Variants in TRAF7 observed in about 807,000 individuals in gnomAD.
TRAF7 encodes E3 ubiquitin-protein ligase TRAF7.
Under a neutral mutation model 89.3 loss-of-function variants are expected in TRAF7, and 45 were observed. That is an observed-to-expected ratio of 0.50 (90% CI 0.40 to 0.65). The LOEUF is 0.65. Ranked by LOEUF, TRAF7 falls within the 30% of genes least tolerant of loss-of-function variation. TRAF7 has a pLI of 0.00. For missense variants in TRAF7, 677 were observed against 918.1 expected, an observed-to-expected ratio of 0.74 and a Z score of 3.39; for synonymous variants, 406 against 369.2, an observed-to-expected ratio of 1.10 and a Z score of -1.14.
Position 2,176,846 on chromosome 16 carries a change from A to C in TRAF7, c.*272A>C. On this transcript the variant is annotated 3_prime_UTR_variant, in exon 21 of 21. Transcript: ENST00000326181. ...CACCCTCCATCCCCACCCTAGATGGAGCGAGGGCCTTTTTACTCACCTTTT... is the reference window on the plus strand; with the variant it reads ...CACCCTCCATCCCCACCCTAGATGGCGCGAGGGCCTTTTTACTCACCTTTT... 1.7e-6 allele frequency: 1 copy of C among 576,420 alleles called. No individual in the cohort carries two copies. The allele number at this position is 576,420 out of a possible 1,614,324, so 35.7% of individuals were successfully genotyped here. A position where few individuals can be genotyped will look rare whatever the true frequency, so the allele number is the denominator to read the frequency against.
chr16:2,165,765 G>A (rs2141275889), intron 2 of TRAF7, 114 bp from the exon 3 acceptor site: 3 of 1,216,454 alleles, frequency 2.5e-6, no homozygotes, highest in Non-Finnish European at 3.6e-6. Context: ...GGTTAAGTGT[G>A]TGAGTGCTGC....
In TRAF7 at chr16:2,176,032, G is replaced by A; in HGVS notation, c.1747-17G>A. The A allele has an allele frequency of 6.2e-7, 1 of 1,607,986 alleles. No individual in the cohort carries two copies. Among genetic ancestry groups the A allele is most frequent in the Non-Finnish European group, 8.5e-7 (1 of 1,176,442 alleles). On this transcript the variant is annotated splice_polypyrimidine_tract_variant and intron_variant, in intron 18 of 20. Transcript: ENST00000326181. ...CTTGCTCAGTGTCTTTGACCTGCCTGTGCCCACCCCTCCCAGGTGTGGGAC... is the reference window on the plus strand; with the variant it reads ...CTTGCTCAGTGTCTTTGACCTGCCTATGCCCACCCCTCCCAGGTGTGGGAC...
intron 1 of TRAF7, 123 bp downstream of exon 1, chr16:2,155,981 G>GA (rs2093031830): frequency 6.7e-6 from 1 of 149,472 alleles, no homozygotes; most frequent in Admixed American, 6.6e-5. Context: ...CCGGGGCGGG[G>GA]AGGGGGGGGC....
At position 2,163,681 on chromosome 16, in the gene TRAF7, C is replaced by T. The variant is rs2141270357; in HGVS notation, c.-38-202C>T. On this transcript the variant is annotated intron_variant, in intron 1 of 20. Coordinates refer to ENST00000326181, the MANE Select transcript of TRAF7 (RefSeq NM_032271.3). The surrounding 1 kb of genome is among the most constrained non-coding windows in gnomAD (Gnocchi z 4.3). ...GGGACGGTGACGCAGAGCCGCCTGC[C>T]TGCCCGGGCCTCTGCATACCTGGGA... is the stretch of plus-strand genomic sequence containing the variant. 8.8e-6 allele frequency: 5 copies of T among 565,752 alleles called. No homozygotes were observed. Among genetic ancestry groups the T allele is most frequent in the Non-Finnish European group, 1.6e-5 (5 of 315,236 alleles). The allele number at this position is 565,752 out of a possible 1,614,324, so 35.0% of individuals were successfully genotyped here.
chr16:2,173,857 G>GCGGGGGGCCCCCCCCC, intron 12 of TRAF7, 21 bp downstream of exon 12: 2 of 1,607,484 alleles, frequency 1.2e-6, no homozygotes, highest in Non-Finnish European at 1.7e-6. Flanking sequence ...ACCCGCCGTG[G>GCGGGGGGCCCCCCCCC]CTCCCGCCCA....
intron 9 of TRAF7, 86 bp downstream of exon 9, chr16:2,172,685 G>T: frequency 6.9e-7 from 1 of 1,451,604 alleles, no homozygotes; most frequent in Non-Finnish European, 9.3e-7. Context: ...GCTGGTCCCG[G>T]GGAGGTAGGC....
Sources: allele counts gnomAD v4.1 joint callset, GRCh38; gene constraint gnomAD v4.1.1; non-coding constraint Gnocchi (gnomAD v3.1); transcripts MANE v1.5; gene names NCBI Gene and HGNC (gene_info 2026-07-23, HGNC 2026-07-21).